Variants in AKT1 observed in about 807,000 individuals in gnomAD.
AKT1 encodes the protein AKT serine/threonine kinase 1.
AKT1 carries 21 observed loss-of-function variants against 63.1 expected under a neutral mutation model. The observed-to-expected ratio is 0.33, with a 90% CI of 0.24 to 0.48. The LOEUF is 0.48. AKT1 is among the 20% of genes least tolerant of loss of function. The pLI is 0.99. For synonymous variants in AKT1, 257 were observed against 253.1 expected (o/e 1.02, Z -0.15); for missense variants, 382 against 666.0 (o/e 0.57, Z 4.69).
In AKT1 at chr14:104,769,645, A is replaced by G. The variant is rs866890023; in HGVS notation, c.*696T>C. Reference sequence around the variant, plus strand: ...CCAAGAACTGTGACACAGAAGGGGAAGGGGGAGGGCTTTCCTGTCACAAAG... The same window carrying G: ...CCAAGAACTGTGACACAGAAGGGGAGGGGGGAGGGCTTTCCTGTCACAAAG... On this transcript the variant is annotated 3_prime_UTR_variant, in exon 15 of 15. Transcript: ENST00000649815. 6 of 506,324 alleles carry G rather than the reference A, an allele frequency of 1.2e-5. No homozygotes were observed. The highest frequency in any genetic ancestry group is 5.8e-4 in the Middle Eastern group (2 of 3,454). 31.4% of individuals were successfully genotyped at this position (506,324 alleles called of 1,614,324 possible). A position where few individuals can be genotyped will look rare whatever the true frequency, so the allele number is the denominator to read the frequency against.
chr14:104,793,436 C>T lies in AKT1; in HGVS notation c.-257-132G>A, dbSNP rs1893727079. ...GGAGAAACCCCAGGCCCCTCCTAAA[C>T]CACAGCGCCCCTGCCGGTCTGAATC... On this transcript the variant is annotated intron_variant, in intron 1 of 14. Coordinates refer to ENST00000649815, the MANE Select transcript of AKT1 (RefSeq NM_001382430.1). 3 of 205,184 alleles carry T rather than the reference C, an allele frequency of 1.5e-5. No homozygotes were observed. In the Admixed American group the frequency reaches 1.8e-4, roughly 12 times the overall value. 12.7% of individuals were successfully genotyped at this position (205,184 alleles called of 1,614,324 possible).
Position 104,792,656 on chromosome 14 carries a change from T to C in AKT1, c.-13A>G. On this transcript the variant is annotated 5_prime_UTR_variant, in exon 3 of 15. Transcript: ENST00000649815. ...CCACGTCGCTCATGGTGCCCGAGGC[T>C]CCCGCGACGCTCACGCGCTCCTCTC... 6.2e-7 allele frequency: 1 copy of C among 1,609,170 alleles called. No individual in the cohort carries two copies. The highest frequency in any genetic ancestry group is 8.5e-7 in the Non-Finnish European group (1 of 1,179,830).
chr14:104,771,097 G>A, intron 13 of AKT1: 2 of 517,460 alleles, frequency 3.9e-6, no homozygotes, highest in Non-Finnish European at 6.9e-6. Flanking sequence ...AGCCCCAGCA[G>A]GCGACAGGAG....
In AKT1 at chr14:104,774,939, G is replaced by T; in HGVS notation, c.632C>A (p.Thr211Lys). ...VLQNSRHPFL[T>K]ALKYSFQTHD... is the part of the protein sequence containing the mutation. ...AGCCCCATCTGGGCTCCCACTCACT[G>T]TGAGGAAGGGGTGCCTGGAGTTCTG... Residue 211 changes from threonine (T) to lysine (K), a missense_variant and splice_region_variant, in exon 8 of 15, where the codon ACA becomes AAA. By Grantham distance (78) the Thr-to-Lys change is moderately conservative (BLOSUM62 -1). Around this residue, in one of 3 missense-constraint regions of AKT1, gnomAD observed 226 missense variants for 366.4 expected, o/e 0.62. Coordinates refer to ENST00000649815, the MANE Select transcript of AKT1 (RefSeq NM_001382430.1). 1 of 1,611,620 alleles carries T rather than the reference G, an allele frequency of 6.2e-7. No homozygotes were observed.
At chr14:104,779,685 G>A (rs552205457) in intron 4 of AKT1, among the ~76,000 whole-genome samples, 75 of 147,530 alleles carry the variant, frequency 5.1e-4, no homozygotes, top group Admixed American at 4.0e-3. Context: ...AGCCGGCCTC[G>A]GCCTCGGGAC....
At chr14:104,773,890 C>T (rs371042483) in intron 9 of AKT1, 22 bp downstream of exon 9, 5 of 1,590,724 alleles carry the variant, frequency 3.1e-6, no homozygotes, top group Admixed American at 3.4e-5. Context: ...CGAAGTCCAT[C>T]CCCCGCAGCC....
chr14:104,773,465 C>T lies in AKT1; in HGVS notation c.818G>A (p.Arg273Gln), dbSNP rs1424916218. ...YLHSEKNVVY[R>Q]DLKLENLMLD... ...TGCCCGCCAGCGCACCTTGAGGTCCCGGTACACCACGTTCTTCTCCGAGTG... is the reference window on the plus strand; with the variant it reads ...TGCCCGCCAGCGCACCTTGAGGTCCTGGTACACCACGTTCTTCTCCGAGTG... The change falls in exon 10 of 15, where the codon CGG becomes CAG. Residue 273 changes from arginine to glutamine, a missense_variant. Coordinates refer to ENST00000649815, the MANE Select transcript of AKT1 (RefSeq NM_001382430.1). The T allele has an allele frequency of 1.9e-6, 3 of 1,613,898 alleles. No homozygotes were observed. The highest frequency in any genetic ancestry group is 2.5e-6 in the Non-Finnish European group (3 of 1,179,864).
intron 3 of AKT1, among the ~76,000 whole-genome samples, chr14:104,785,067 G>A (rs934785628): frequency 6.6e-6 from 1 of 152,196 alleles, no homozygotes; most frequent in Non-Finnish European, 1.5e-5. Flanking sequence ...CCTGGGAGCG[G>A]GCGCCAGCTG....
chr14:104,771,725 G>T, intron 13 of AKT1: 2 of 235,634 alleles, frequency 8.5e-6, no homozygotes, highest in Non-Finnish European at 1.7e-5. Flanking sequence ...AGCACACCTG[G>T]TGACAGGGCA....
chr14:104,772,774 C>T, intron 12 of AKT1, 104 bp downstream of exon 12: 2 of 1,231,884 alleles, frequency 1.6e-6, no homozygotes, highest in South Asian at 1.5e-5. Flanking sequence ...CTTTGGCTAT[C>T]AGTGTAGTCT....
intron 3 of AKT1, 111 bp from the exon 4 acceptor site, chr14:104,780,327 T>G: frequency 6.9e-7 from 1 of 1,450,708 alleles, no homozygotes; most frequent in Non-Finnish European, 9.3e-7. Context: ...GATGCCTGAG[T>G]CCCAGGGGGC....
intron 13 of AKT1, 57 bp downstream of exon 13, chr14:104,772,306 CGT>C: frequency 6.3e-7 from 1 of 1,575,232 alleles, no homozygotes; most frequent in Non-Finnish European, 8.7e-7. Context: ...CACGTGCATG[CGT>C]GAGTGTGGAT....
intron 3 of AKT1, among the ~76,000 whole-genome samples, chr14:104,783,791 A>C (rs917234711): frequency 6.6e-6 from 1 of 152,132 alleles, no homozygotes; most frequent in Non-Finnish European, 1.5e-5. Context: ...AGAACCCCCA[A>C]GTCCCCACCC....
At chr14:104,783,023 GAC>G (rs1893144214) in intron 3 of AKT1, among the ~76,000 whole-genome samples, 1 of 152,148 alleles carries the variant, frequency 6.6e-6, no homozygotes, top group South Asian at 2.1e-4. Flanking sequence ...GGACTGGGGT[GAC>G]ACAGGACGGG....
chr14:104,788,592 G>A (rs540114482), intron 3 of AKT1, among the ~76,000 whole-genome samples: 2 of 152,310 alleles, frequency 1.3e-5, no homozygotes, highest in Non-Finnish European at 2.9e-5. Flanking sequence ...CAGCAGCTGG[G>A]GATGCAGTGA....
chr14:104,780,162 G>T lies in AKT1; in HGVS notation c.101C>A (p.Thr34Asn), dbSNP rs750653493. Residue 34 changes from threonine to asparagine, a missense_variant, in exon 4 of 15, where the codon ACC becomes AAC. Thr to Asn is a moderately conservative substitution (Grantham distance 65). Coordinates refer to ENST00000649815, the MANE Select transcript of AKT1 (RefSeq NM_001382430.1). ...PRYFLLKNDG[T>N]FIGYKERPQD... ...CGGCCGCTCCTTGTAGCCAATGAAG[G>T]TGCCATCATTCTTGAGGAGGAAGTA... 1.1e-5 allele frequency: 17 copies of T among 1,613,582 alleles called. No individual in the cohort carries two copies. The highest frequency in any genetic ancestry group is 1.4e-5 in the Non-Finnish European group (17 of 1,179,982).
At chr14:104,781,573 T>C (rs1028723121) in intron 3 of AKT1, among the ~76,000 whole-genome samples, 4 of 151,670 alleles carry the variant, frequency 2.6e-5, no homozygotes, top group Non-Finnish European at 4.4e-5. Flanking sequence ...GCTCGACACA[T>C]GGCCACCCCC....
chr14:104,772,541 G>T, intron 12 of AKT1, 89 bp from the exon 13 acceptor site: 2 of 1,337,658 alleles, frequency 1.5e-6, no homozygotes, highest in Non-Finnish European at 2.1e-6. Context: ...TGTAGGGCCC[G>T]CCAGACAGGA....
At chr14:104,775,614 C>T (rs2140921546) in intron 6 of AKT1, 38 bp downstream of exon 6, 1 of 1,607,580 alleles carries the variant, frequency 6.2e-7, no homozygotes, top group Non-Finnish European at 8.5e-7. Flanking sequence ...CAGTCCAAGG[C>T]AGCCCCAGGC....
Sources: gnomAD v4.1 joint callset for allele counts (sites outside exome capture counted in the v4.1 genomes callset) on GRCh38, gnomAD v4.1.1 for gene constraint, gnomAD v4.1.1 regional missense constraint, MANE v1.5 for transcripts, NCBI Gene and HGNC (gene_info 2026-07-23, HGNC 2026-07-21) for gene names.